CSMD1: variants seen among roughly 807,000 people sequenced by gnomAD.
CSMD1 encodes CUB and sushi domain-containing protein 1.
In CSMD1, 213 loss-of-function variants were observed where a neutral mutation model predicts 417.5. The ratio of observed to expected loss-of-function variants is 0.51; its 90% CI spans 0.46 to 0.57. The LOEUF (loss-of-function observed/expected upper bound fraction) is 0.57, where lower values mean the gene tolerates loss of function less well. Ranked by LOEUF, CSMD1 falls within the 20% of genes least tolerant of loss-of-function variation. CSMD1 has a pLI of 0.00. For synonymous variants in CSMD1, 2,862 were observed against 1,736.8 expected (o/e 1.65, Z -16.11); for missense variants, 6,923 against 4,529.7 (o/e 1.53, Z -15.17).
intron 1 of CSMD1, among the ~76,000 whole-genome samples, chr8:4,946,166 T>C (rs138915364): frequency 1.4e-4 from 21 of 152,276 alleles, no homozygotes; most frequent in South Asian, 1.2e-3. Flanking sequence ...AATTAAAAAC[T>C]TTGATACTCC....
intron 23 of CSMD1, among the ~76,000 whole-genome samples, chr8:3,329,642 T>A (rs1806767613): frequency 6.6e-6 from 1 of 152,128 alleles, no homozygotes; most frequent in Non-Finnish European, 1.5e-5. Flanking sequence ...ACTACAAAGG[T>A]CTGCCTGCCA....
intron 1 of CSMD1, among the ~76,000 whole-genome samples, chr8:4,800,973 G>A (rs529226669): frequency 8.5e-5 from 13 of 152,138 alleles, no homozygotes; most frequent in African/African-American, 3.1e-4. Flanking sequence ...TCTTTCCTTA[G>A]TTTTATCCCA....
At chr8:4,078,894 TAA>T (rs1398978079) in intron 3 of CSMD1, among the ~76,000 whole-genome samples, 136 of 39,412 alleles carry the variant, frequency 3.5e-3, no homozygotes, top group African/African-American at 0.01. Context: ...ATAATAATAA[TAA>T]ATATATATAT....
In CSMD1 at chr8:3,556,415, T is replaced by TATATATATATATATATATATACATACATA. The variant is rs1799148435; in HGVS notation, c.1344+18529_1344+18530insTATGTATGTATATATATATATATATATAT. The stretch of plus-strand genomic sequence containing the variant: ...TTAATATATATATATATATATATAT[T>TATATATATATATATATATATACATACATA]CACACACACAAAGAATTTATGAGGG... On this transcript the variant is annotated intron_variant, in intron 10 of 69. Coordinates refer to ENST00000635120, the MANE Select transcript of CSMD1 (RefSeq NM_033225.6). Among the ~76,000 whole-genome samples the TATATATATATATATATATATACATACATA allele has an allele frequency of 2.9e-3, 166 of 57,010 alleles. 2 individuals are homozygous for TATATATATATATATATATATACATACATA. The highest frequency in any genetic ancestry group is 9.6e-3 in the African/African-American group (154 of 16,000). The allele number at this position is 57,010 out of a possible 152,430, so 37.4% of individuals were successfully genotyped here. A position where few individuals can be genotyped will look rare whatever the true frequency, so the allele number is the denominator to read the frequency against.
chr8:4,791,315 A>G (rs1481481719), intron 1 of CSMD1, among the ~76,000 whole-genome samples: 1 of 152,136 alleles, frequency 6.6e-6, no homozygotes, highest in Non-Finnish European at 1.5e-5. Flanking sequence ...AGGCTTTCTT[A>G]CTACTTCTTG....
intron 2 of CSMD1, among the ~76,000 whole-genome samples, chr8:4,496,502 G>C (rs1006036734): frequency 6.6e-6 from 1 of 152,160 alleles, no homozygotes; most frequent in Non-Finnish European, 1.5e-5. Context: ...CTTGTAAGTC[G>C]GGTAATATAC....
At chr8:4,059,384 T>C (rs992891058) in intron 3 of CSMD1, among the ~76,000 whole-genome samples, 73 of 151,580 alleles carry the variant, frequency 4.8e-4, no homozygotes, top group African/African-American at 1.7e-3. Flanking sequence ...TTAAAAGAAC[T>C]AGAAAAGCAA....
intron 10 of CSMD1, among the ~76,000 whole-genome samples, chr8:3,564,043 T>G (rs1386707244): frequency 6.6e-6 from 1 of 152,188 alleles, no homozygotes; most frequent in Non-Finnish European, 1.5e-5. Flanking sequence ...GTATATATTT[T>G]GGGGGTACAC....
At chr8:3,309,156 G>T (rs1805126617) in intron 23 of CSMD1, among the ~76,000 whole-genome samples, 1 of 152,054 alleles carries the variant, frequency 6.6e-6, no homozygotes, top group Non-Finnish European at 1.5e-5. Context: ...CTGCCTCTTT[G>T]CCCCTCTGTC....
chr8:4,801,945 T>C (rs147326207), intron 1 of CSMD1, among the ~76,000 whole-genome samples: 2 of 152,210 alleles, frequency 1.3e-5, no homozygotes, highest in Non-Finnish European at 2.9e-5. Context: ...CTGGTACATT[T>C]TGATCATCTC....
chr8:3,945,252 A>C (rs1158108569), intron 5 of CSMD1, among the ~76,000 whole-genome samples: 2 of 151,968 alleles, frequency 1.3e-5, no homozygotes. Context: ...AAATTAATAT[A>C]AGCTGAACAA....
chr8:3,853,891 ATACTT>A (rs1563147030), intron 5 of CSMD1, among the ~76,000 whole-genome samples: 2 of 144,922 alleles, frequency 1.4e-5, no homozygotes, highest in African/African-American at 5.0e-5. Context: ...TTAATATATT[ATACTT>A]TAATATATTA....
chr8:3,290,724 G>C (rs1206449774), intron 25 of CSMD1, among the ~76,000 whole-genome samples: 1 of 146,834 alleles, frequency 6.8e-6, no homozygotes, highest in African/African-American at 2.7e-5. Flanking sequence ...GGAGATTTTG[G>C]GCTGAGACAA....
At chr8:4,516,487 G>A (rs1803131739) in intron 2 of CSMD1, among the ~76,000 whole-genome samples, 3 of 152,162 alleles carry the variant, frequency 2.0e-5, no homozygotes, top group African/African-American at 4.8e-5. Flanking sequence ...GCTGGACCCC[G>A]GGCCCTTCTA....
intron 49 of CSMD1, among the ~76,000 whole-genome samples, chr8:3,074,660 C>T (rs1235140639): frequency 2.0e-5 from 3 of 152,210 alleles, no homozygotes; most frequent in Non-Finnish European, 2.9e-5. Flanking sequence ...AATGAGTATG[C>T]ATGTCTGCAT....
chr8:3,284,157 G>A lies in CSMD1; in HGVS notation c.4140C>T (p.Ser1380=). Residue 1380 remains serine, a synonymous_variant, in exon 26 of 70, where the codon TCC becomes TCT. Coordinates refer to ENST00000635120, the MANE Select transcript of CSMD1 (RefSeq NM_033225.6). ...TGTGCCACCTACTGGAGAACTGGAT[G>A]GAGAAGCCAGACTTGCTGATGAAGA... is the stretch of plus-strand genomic sequence containing the variant. The part of the protein sequence containing the change: ...SDFFISKSGF[S]IQFSTSIAAT... 3 of 1,567,524 alleles carry A rather than the reference G, an allele frequency of 1.9e-6. No individual in the cohort carries two copies. The highest frequency in any genetic ancestry group is 2.4e-5 in the East Asian group (1 of 41,968).
intron 3 of CSMD1, among the ~76,000 whole-genome samples, chr8:4,156,438 A>G (rs566941356): frequency 6.6e-6 from 1 of 152,288 alleles, no homozygotes; most frequent in South Asian, 2.1e-4. Context: ...GAAAGAAAGG[A>G]TAAATATGCT....
intron 3 of CSMD1, among the ~76,000 whole-genome samples, chr8:4,120,015 G>T (rs770295499): frequency 1.3e-5 from 2 of 152,108 alleles, no homozygotes; most frequent in Non-Finnish European, 2.9e-5. Context: ...GGTGACGGCA[G>T]TTGATGATAA....
chr8:4,664,396 C>T (rs115703705), intron 1 of CSMD1, among the ~76,000 whole-genome samples: 1 of 152,020 alleles, frequency 6.6e-6, no homozygotes, highest in Non-Finnish European at 1.5e-5. Flanking sequence ...CCCATGTCTA[C>T]AGTAGAAACG....
Sources: allele counts gnomAD v4.1 joint callset (sites outside exome capture counted in the v4.1 genomes callset), GRCh38; gene constraint gnomAD v4.1.1; transcripts MANE v1.5; gene names NCBI Gene and HGNC (gene_info 2026-07-23, HGNC 2026-07-21).